Variants in ST6GAL1 observed in about 807,000 individuals in gnomAD.
ST6GAL1 encodes beta-galactoside alpha-2,6-sialyltransferase 1.
Under a neutral mutation model 38.0 loss-of-function variants are expected in ST6GAL1, and 20 were observed. The observed-to-expected ratio is 0.53, with a 90% CI of 0.37 to 0.77. The LOEUF (loss-of-function observed/expected upper bound fraction) is 0.77. Ranked by LOEUF, ST6GAL1 falls within the 30% of genes least tolerant of loss-of-function variation. The pLI is 0.00. For synonymous variants in ST6GAL1, 196 were observed against 188.2 expected, an observed-to-expected ratio of 1.04 and a Z score of -0.34; for missense variants, 432 against 496.4, an observed-to-expected ratio of 0.87 and a Z score of 1.23.
chr3:186,948,806 G>T (rs999986928), intron 1 of ST6GAL1: 1 of 152,512 alleles, frequency 6.6e-6, no homozygotes, highest in African/African-American at 2.4e-5. Flanking sequence ...TGCTATGTTA[G>T]ACCTTGACAT....
At chr3:187,010,657 G>A (rs1366514982) in intron 2 of ST6GAL1, among the ~76,000 whole-genome samples, 1 of 152,104 alleles carries the variant, frequency 6.6e-6, no homozygotes, top group Admixed American at 6.5e-5. Context: ...TTCACTGGCA[G>A]CCCCTTCCTC....
At chr3:187,043,343 G>A in intron 4 of ST6GAL1, 33 bp downstream of exon 4, 6 of 1,590,288 alleles carry the variant, frequency 3.8e-6, no homozygotes, top group Non-Finnish European at 5.1e-6. Flanking sequence ...GAATGGCAGT[G>A]CTTATTGGGA....
chr3:186,939,461 C>T (rs979885852), intron 1 of ST6GAL1, among the ~76,000 whole-genome samples: 4 of 152,086 alleles, frequency 2.6e-5, no homozygotes, highest in Admixed American at 6.5e-5. Flanking sequence ...GCACTGAATT[C>T]GGAGTCAGGA....
chr3:187,024,443 T>C (rs77509085), intron 2 of ST6GAL1, among the ~76,000 whole-genome samples: 1,537 of 93,736 alleles, frequency 0.016, 27 homozygotes, highest in African/African-American at 0.057. Context: ...TATATATATA[T>C]ACACACACAC....
chr3:186,996,499 C>G (rs1035736069), intron 2 of ST6GAL1: 2 of 152,206 alleles, frequency 1.3e-5, no homozygotes, highest in Non-Finnish European at 2.9e-5. Context: ...GGAGCTTCTT[C>G]TCTCACAAGC....
rs1353654482 is a variant in ST6GAL1, at chr3:186,962,272, T to A, written c.-324-1513T>A. On this transcript the variant is annotated intron_variant, in intron 1 of 7. Transcript: ENST00000169298. ...AAGGGTTTCTTTCCCCTGGACACCGTCCTTGTGTATCTATCACTCCCCTGT... is the reference window on the plus strand; with the variant it reads ...AAGGGTTTCTTTCCCCTGGACACCGACCTTGTGTATCTATCACTCCCCTGT... Among the ~76,000 whole-genome samples, 3 of 152,192 alleles carry A rather than the reference T, an allele frequency of 2.0e-5. No homozygotes were observed. In the East Asian group the frequency reaches 5.8e-4, roughly 29 times the overall value.
At chr3:186,995,628 G>A (rs1347076180) in intron 2 of ST6GAL1, among the ~76,000 whole-genome samples, 1 of 152,134 alleles carries the variant, frequency 6.6e-6, no homozygotes, top group East Asian at 1.9e-4. Context: ...TGGATCACCT[G>A]AGGTCAGGAG....
intron 3 of ST6GAL1, among the ~76,000 whole-genome samples, chr3:187,039,804 A>C (rs568900287): frequency 6.6e-6 from 1 of 152,322 alleles, no homozygotes; most frequent in Non-Finnish European, 1.5e-5. Context: ...AACTCCAGCC[A>C]CCTGGTGGAC....
At chr3:187,028,066 G>A (rs2108570494) in intron 2 of ST6GAL1, among the ~76,000 whole-genome samples, 1 of 152,316 alleles carries the variant, frequency 6.6e-6, no homozygotes, top group South Asian at 2.1e-4. Flanking sequence ...TGGAGATGGG[G>A]AGGCCTGGTT....
At chr3:187,056,084 C>G (rs1718690756) in intron 5 of ST6GAL1, among the ~76,000 whole-genome samples, 1 of 152,026 alleles carries the variant, frequency 6.6e-6, no homozygotes, top group Non-Finnish European at 1.5e-5. Flanking sequence ...CTCTTTTGAT[C>G]TTTGTTGGTT....
chr3:186,934,756 TTATG>T (rs1344917280), intron 1 of ST6GAL1, among the ~76,000 whole-genome samples: 45 of 151,328 alleles, frequency 3.0e-4, no homozygotes, highest in African/African-American at 1.0e-3. Context: ...TTTTATTTAT[TTATG>T]TATTTATTTA....
intron 6 of ST6GAL1, chr3:187,073,699 A>T (rs1719462980): frequency 6.5e-6 from 1 of 153,230 alleles, no homozygotes; most frequent in African/African-American, 2.4e-5. Flanking sequence ...GGCTCTGGCG[A>T]CCCCTGGCAC....
At chr3:186,941,077 G>C (rs13061952) in intron 1 of ST6GAL1, among the ~76,000 whole-genome samples, 12,549 of 152,136 alleles carry the variant, frequency 0.082, 731 homozygotes, top group Non-Finnish European at 0.12. Context: ...TGCATGGAAG[G>C]TTATTTTTGG....
rs1267390100 is a variant in ST6GAL1 at position 187,077,836 on chromosome 3, T to C, written c.*2033T>C. Reference sequence around the variant, plus strand: ...TGTCCTCAGGGAATTAACTGTCTTATTGGGAGACAACAACTGTCCTCCTTG... The same window carrying C: ...TGTCCTCAGGGAATTAACTGTCTTACTGGGAGACAACAACTGTCCTCCTTG... On this transcript the variant is annotated 3_prime_UTR_variant, in exon 8 of 8. Coordinates refer to ENST00000169298, the MANE Select transcript of ST6GAL1 (RefSeq NM_173216.2). 1 of 152,474 alleles carries C rather than the reference T, an allele frequency of 6.6e-6. No homozygotes were observed. Among genetic ancestry groups the C allele is most frequent in the Admixed American group, 6.5e-5 (1 of 15,278 alleles). The allele number at this position is 152,474 out of a possible 1,614,324, so 9.4% of individuals were successfully genotyped here. A position where few individuals can be genotyped will look rare whatever the true frequency, so the allele number is the denominator to read the frequency against.
intron 4 of ST6GAL1, 140 bp downstream of exon 4, chr3:187,043,450 C>T (rs779190498): frequency 8.0e-7 from 1 of 1,249,376 alleles, no homozygotes; most frequent in Non-Finnish European, 1.1e-6. Context: ...TTCAGAGTCA[C>T]AAGTGACACA....
At position 186,998,559 on chromosome 3, in the gene ST6GAL1, TAGA is replaced by T. The variant is rs146608583; in HGVS notation, c.-183+34636_-183+34638del. 3.3e-3 allele frequency among the ~76,000 whole-genome samples: 498 copies of T among 151,866 alleles called. 2 individuals are homozygous for T. Among genetic ancestry groups the T allele is most frequent in the African/African-American group, 0.011 (470 of 41,404 alleles). On this transcript the variant is annotated intron_variant, in intron 2 of 7. Coordinates refer to ENST00000169298, the MANE Select transcript of ST6GAL1 (RefSeq NM_173216.2). ...GGGTTTGTTTCAGGAATGGCAGAGG[TAGA>T]AGGAGGGCGAGGGGGAGGCAGGAGA...
chr3:187,066,157 C>G (rs1029030957), intron 5 of ST6GAL1, among the ~76,000 whole-genome samples: 4 of 152,144 alleles, frequency 2.6e-5, no homozygotes, highest in African/African-American at 9.7e-5. Context: ...TTTGATGGAA[C>G]CCCTGCCATA....
intron 5 of ST6GAL1, among the ~76,000 whole-genome samples, chr3:187,060,041 T>C (rs1718855601): frequency 6.6e-6 from 1 of 151,864 alleles, no homozygotes; most frequent in South Asian, 2.1e-4. Flanking sequence ...GGGTACAGTT[T>C]TGTGTGGAAG....
In ST6GAL1 at chr3:187,067,441, A is replaced by C. The variant is rs112924487; in HGVS notation, c.706-5408A>C. Among the ~76,000 whole-genome samples, 452 of 141,016 alleles carry C rather than the reference A, an allele frequency of 3.2e-3. 2 individuals are homozygous for C. The highest frequency in any genetic ancestry group is 0.01 in the African/African-American group (391 of 37,486). 92.5% of individuals were successfully genotyped at this position (141,016 alleles called of 152,430 possible). On this transcript the variant is annotated intron_variant, in intron 5 of 7. Transcript: ENST00000169298. ...GGTAGAAAATCTTTGAACTTCATAT[A>C]GATGGTGTTAATGTGGGTGAGTTCA...
Sources: gnomAD v4.1 joint callset for allele counts (sites outside exome capture counted in the v4.1 genomes callset) on GRCh38, gnomAD v4.1.1 for gene constraint, MANE v1.5 for transcripts, NCBI Gene and HGNC (gene_info 2026-07-23, HGNC 2026-07-21) for gene names.